SPSB4: variants seen among roughly 807,000 people sequenced by gnomAD.
SPSB4 encodes SPRY domain-containing SOCS box protein 4.
Under a neutral mutation model 20.9 loss-of-function variants are expected in SPSB4, and 21 were observed. The ratio of observed to expected loss-of-function variants is 1.01; its 90% CI spans 0.71 to 1.45. The LOEUF (loss-of-function observed/expected upper bound fraction) is 1.45. Among genes scored for constraint, SPSB4 ranks in the 40% most tolerant of loss-of-function variants. The pLI, the probability that SPSB4 is intolerant of heterozygous loss-of-function variation, is 0.00. For missense variants in SPSB4, 399 were observed against 399.2 expected, an observed-to-expected ratio of 1.00 and a Z score of 0.00; for synonymous variants, 207 against 183.8, an observed-to-expected ratio of 1.13 and a Z score of -1.02.
At chr3:141,101,885 C>A (rs1198638688) in intron 2 of SPSB4, among the ~76,000 whole-genome samples, 1 of 152,214 alleles carries the variant, frequency 6.6e-6, no homozygotes, top group Non-Finnish European at 1.5e-5. Context: ...TTGTAGGTTT[C>A]CCTGAAGCAT....
At chr3:141,110,956 G>A (rs1287910667) in intron 2 of SPSB4, among the ~76,000 whole-genome samples, 1 of 152,210 alleles carries the variant, frequency 6.6e-6, no homozygotes, top group Non-Finnish European at 1.5e-5. Flanking sequence ...ACTGTCAGCT[G>A]TTTCCCCCAG....
At chr3:141,101,242 C>T (rs573666195) in intron 2 of SPSB4, among the ~76,000 whole-genome samples, 16 of 152,364 alleles carry the variant, frequency 1.1e-4, no homozygotes, top group African/African-American at 3.8e-4. Flanking sequence ...TTGACACTGC[C>T]ATGCTTTAGT....
chr3:141,128,183 A>G (rs569398407), intron 2 of SPSB4, among the ~76,000 whole-genome samples: 2 of 152,264 alleles, frequency 1.3e-5, no homozygotes, highest in Admixed American at 6.5e-5. Context: ...GGGTGCAGAA[A>G]TGGGTTTAGG....
intron 2 of SPSB4, among the ~76,000 whole-genome samples, chr3:141,102,157 A>G (rs1938621115): frequency 6.6e-6 from 1 of 152,230 alleles, no homozygotes; most frequent in Non-Finnish European, 1.5e-5. Context: ...CGGAGTTATG[A>G]GAGGGCTCGG....
chr3:141,075,464 C>T (rs560632077), intron 2 of SPSB4, among the ~76,000 whole-genome samples: 3 of 152,174 alleles, frequency 2.0e-5, no homozygotes, highest in African/African-American at 2.4e-5. Context: ...TGCAGTTCCT[C>T]GGTATCCTCA....
chr3:141,079,612 C>T (rs1355400955), intron 2 of SPSB4, among the ~76,000 whole-genome samples: 2 of 152,116 alleles, frequency 1.3e-5, no homozygotes, highest in Non-Finnish European at 2.9e-5. Flanking sequence ...GTGTGCTGAC[C>T]CTTAGCCGGA....
intron 2 of SPSB4, among the ~76,000 whole-genome samples, chr3:141,074,645 TA>T (rs1455242503): frequency 1.3e-5 from 2 of 152,322 alleles, no homozygotes; most frequent in East Asian, 3.9e-4. Context: ...AGTGTTTCTC[TA>T]AAAGGCCGCA....
At chr3:141,121,533 T>A (rs2107801433) in intron 2 of SPSB4, among the ~76,000 whole-genome samples, 1 of 152,352 alleles carries the variant, frequency 6.6e-6, no homozygotes, top group South Asian at 2.1e-4. Flanking sequence ...ATTCTCCCCA[T>A]CACTTTCAGG....
chr3:141,130,386 G>A (rs1296017653), intron 2 of SPSB4, among the ~76,000 whole-genome samples: 1 of 152,204 alleles, frequency 6.6e-6, no homozygotes, highest in Admixed American at 6.5e-5. Flanking sequence ...ACCATAGTCT[G>A]TGGATAACTG....
intron 2 of SPSB4, among the ~76,000 whole-genome samples, chr3:141,102,173 G>A (rs1437764129): frequency 2.0e-5 from 3 of 152,218 alleles, no homozygotes; most frequent in Admixed American, 6.5e-5. Context: ...CTCGGGGTCT[G>A]GGGCAGCTCA....
intron 2 of SPSB4, among the ~76,000 whole-genome samples, chr3:141,129,151 C>T (rs2107803939): frequency 6.6e-6 from 1 of 152,328 alleles, no homozygotes; most frequent in Non-Finnish European, 1.5e-5. Flanking sequence ...GAAGGCCAGA[C>T]CCTTGAGTTC....
At chr3:141,128,138 G>A (rs116692658) in intron 2 of SPSB4, among the ~76,000 whole-genome samples, 13 of 152,226 alleles carry the variant, frequency 8.5e-5, no homozygotes, top group African/African-American at 3.1e-4. Flanking sequence ...GGTGGGGAAG[G>A]GGGTGGAGTG....
intron 2 of SPSB4, among the ~76,000 whole-genome samples, chr3:141,094,651 A>C (rs1316982276): frequency 6.6e-6 from 1 of 152,092 alleles, no homozygotes; most frequent in Non-Finnish European, 1.5e-5. Flanking sequence ...GTCGTGTAAC[A>C]AAATGCTCTC....
At chr3:141,131,270 T>C (rs1407428889) in intron 2 of SPSB4, among the ~76,000 whole-genome samples, 1 of 152,106 alleles carries the variant, frequency 6.6e-6, no homozygotes, top group Non-Finnish European at 1.5e-5. Flanking sequence ...TCCCCCTACT[T>C]TTTCCCATTA....
intron 2 of SPSB4, among the ~76,000 whole-genome samples, chr3:141,115,675 C>T (rs1469799194): frequency 6.6e-6 from 1 of 152,186 alleles, no homozygotes; most frequent in Non-Finnish European, 1.5e-5. Flanking sequence ...AAACTAGAAG[C>T]GGAAGTAAAG....
intron 1 of SPSB4, among the ~76,000 whole-genome samples, chr3:141,064,747 C>T (rs779063222): frequency 2.0e-5 from 3 of 152,192 alleles, no homozygotes; most frequent in East Asian, 1.9e-4. Context: ...GGAGGGCACA[C>T]GCCTCTGCTC....
chr3:141,112,644 CAAAAAAAAAAAA>C (rs60396514), intron 2 of SPSB4, among the ~76,000 whole-genome samples: 2 of 32,886 alleles, frequency 6.1e-5, no homozygotes, highest in Non-Finnish European at 6.1e-5. Flanking sequence ...GACTCCGTCT[CAAAAAAAAAAAA>C]AAAAAAAAAA....
In SPSB4 at chr3:141,056,169, G is replaced by A. The variant is rs1382738091; in HGVS notation, c.-154+4177G>A. Among the ~76,000 whole-genome samples the A allele has an allele frequency of 3.3e-5, 5 of 152,350 alleles. No individual in the cohort carries two copies. The East Asian group carries it at 9.6e-4, about 29-fold the overall frequency. Reference sequence around the variant, plus strand: ...CTGGTATGTGTGGTGGGAGACGCTGGAGCAGTGCCAAAGTCATCCATCTGA... The same window carrying A: ...CTGGTATGTGTGGTGGGAGACGCTGAAGCAGTGCCAAAGTCATCCATCTGA... On this transcript the variant is annotated intron_variant, in intron 1 of 2. Transcript: ENST00000310546.
At chr3:141,142,307 C>G (rs1939343395) in intron 2 of SPSB4, among the ~76,000 whole-genome samples, 1 of 152,198 alleles carries the variant, frequency 6.6e-6, no homozygotes, top group Admixed American at 6.5e-5. Context: ...ACCCAAAGAT[C>G]ATTCAAGAGC....
Sources: allele counts gnomAD v4.1 joint callset (sites outside exome capture counted in the v4.1 genomes callset), GRCh38; gene constraint gnomAD v4.1.1; transcripts MANE v1.5; gene names NCBI Gene and HGNC (gene_info 2026-07-23, HGNC 2026-07-21).